The following COL13A1 variants were observed in gnomAD, a reference collection of about 807,000 sequenced individuals.
COL13A1 encodes the protein collagen type XIII alpha 1 chain, also known as collagen alpha-1(XIII) chain.
COL13A1 carries 89 observed loss-of-function variants against 130.9 expected under a neutral mutation model. That is an observed-to-expected ratio of 0.68 (90% CI 0.57 to 0.81). The LOEUF (loss-of-function observed/expected upper bound fraction) is 0.81. COL13A1 is among the 30% of genes least tolerant of loss of function. The pLI is 0.00. For missense variants in COL13A1, 879 were observed against 934.6 expected (o/e 0.94, Z 0.78); for synonymous variants, 402 against 341.6 (o/e 1.18, Z -1.95).
At chr10:69,880,842 G>C (rs1443404545) in intron 7 of COL13A1, among the ~76,000 whole-genome samples, 2 of 152,266 alleles carry the variant, frequency 1.3e-5, no homozygotes, top group Non-Finnish European at 2.9e-5. Flanking sequence ...TTTACAGACA[G>C]AAGGGAGAAA....
intron 3 of COL13A1, among the ~76,000 whole-genome samples, chr10:69,868,405 G>A (rs1478038276): frequency 6.6e-6 from 1 of 152,122 alleles, no homozygotes; most frequent in Non-Finnish European, 1.5e-5. Flanking sequence ...ACTCCTTCCT[G>A]GCCTTGCTAG....
intron 7 of COL13A1, 66 bp downstream of exon 7, chr10:69,880,619 G>A (rs1232990496): frequency 1.3e-6 from 2 of 1,539,666 alleles, no homozygotes; most frequent in African/African-American, 1.4e-5. Flanking sequence ...AGGGCTTTTA[G>A]GCTGGGGATG....
At chr10:69,815,392 G>A (rs1278405964) in intron 1 of COL13A1, among the ~76,000 whole-genome samples, 1 of 152,190 alleles carries the variant, frequency 6.6e-6, no homozygotes, top group Admixed American at 6.5e-5. Context: ...AACCGATCAG[G>A]CGGGTGATGT....
chr10:69,927,170 C>T, intron 27 of COL13A1, 60 bp downstream of exon 27: 2 of 1,607,306 alleles, frequency 1.2e-6, no homozygotes, highest in Non-Finnish European at 1.7e-6. Flanking sequence ...GGGATGGCAG[C>T]CTGGAAGCAA....
chr10:69,871,277 G>A (rs1039209599), intron 3 of COL13A1, among the ~76,000 whole-genome samples: 2 of 152,142 alleles, frequency 1.3e-5, no homozygotes, highest in South Asian at 2.1e-4. Flanking sequence ...CCTGGTATCC[G>A]CAGGCAGATT....
Position 69,925,046 on chromosome 10 carries a change from G to C in COL13A1, c.1329+39G>C, listed in dbSNP as rs2065172025. On this transcript the variant is annotated intron_variant, in intron 25 of 40. Transcript: ENST00000645393. Reference sequence around the variant, plus strand: ...CCTCCTGGAGTCACAGCGTGAAGCGGCTGGTAAATCAAAAAAGCATCTGAG... The same window carrying C: ...CCTCCTGGAGTCACAGCGTGAAGCGCCTGGTAAATCAAAAAAGCATCTGAG... The C allele has an allele frequency of 3.3e-6, 5 of 1,497,420 alleles. No individual in the cohort carries two copies. In the East Asian group the frequency reaches 1.3e-4, roughly 38 times the overall value. The allele number at this position is 1,497,420 out of a possible 1,614,324, so 92.8% of individuals were successfully genotyped here. A position where few individuals can be genotyped will look rare whatever the true frequency, so the allele number is the denominator to read the frequency against.
chr10:69,855,605 C>T (rs1243192091), intron 2 of COL13A1, among the ~76,000 whole-genome samples: 1 of 151,930 alleles, frequency 6.6e-6, no homozygotes, highest in Non-Finnish European at 1.5e-5. Context: ...AAATAGATAT[C>T]CAGGGGTGAT....
intron 9 of COL13A1, 148 bp from the exon 10 acceptor site, chr10:69,889,266 G>A: frequency 9.7e-7 from 1 of 1,030,498 alleles, no homozygotes; most frequent in Non-Finnish European, 1.5e-6. Context: ...GAGTGCACAA[G>A]CCAGAAGGTG....
At chr10:69,897,802 G>T (rs2061801808) in intron 13 of COL13A1, among the ~76,000 whole-genome samples, 1 of 152,236 alleles carries the variant, frequency 6.6e-6, no homozygotes, top group Admixed American at 6.5e-5. Context: ...AAAACAAGCA[G>T]CTGATGACAG....
At chr10:69,950,152 C>G (rs116247591) in intron 38 of COL13A1, among the ~76,000 whole-genome samples, 1 of 152,082 alleles carries the variant, frequency 6.6e-6, no homozygotes, top group Non-Finnish European at 1.5e-5. Context: ...TCCCCTCCCC[C>G]TCACCAGCTG....
intron 17 of COL13A1, among the ~76,000 whole-genome samples, chr10:69,913,036 G>A (rs1018029330): frequency 6.6e-6 from 1 of 152,174 alleles, no homozygotes; most frequent in Non-Finnish European, 1.5e-5. Context: ...ATCAGGGATG[G>A]GACAGGCCTT....
At chr10:69,903,343 C>A (rs548853381) in intron 15 of COL13A1, among the ~76,000 whole-genome samples, 1 of 152,226 alleles carries the variant, frequency 6.6e-6, no homozygotes, top group Admixed American at 6.5e-5. Flanking sequence ...AAGAGCCCTG[C>A]GCCAAGCCTG....
chr10:69,913,287 G>A (rs965488427), intron 17 of COL13A1, among the ~76,000 whole-genome samples: 2 of 152,140 alleles, frequency 1.3e-5, no homozygotes, highest in Non-Finnish European at 2.9e-5. Context: ...CAAGTAAGGC[G>A]GCTGAGAGCC....
At chr10:69,872,753 C>A (rs1352395392) in intron 4 of COL13A1, among the ~76,000 whole-genome samples, 1 of 152,218 alleles carries the variant, frequency 6.6e-6, no homozygotes, top group African/African-American at 2.4e-5. Flanking sequence ...CCAGGTACTG[C>A]ATTTATCATG....
intron 39 of COL13A1, chr10:69,955,124 A>G (rs939681696): frequency 3.9e-5 from 6 of 152,218 alleles, no homozygotes; most frequent in African/African-American, 1.4e-4. Flanking sequence ...TCACACAGGA[A>G]TTCTCTTTGA....
At chr10:69,879,953 C>G (rs551258434) in intron 6 of COL13A1, among the ~76,000 whole-genome samples, 38 of 152,266 alleles carry the variant, frequency 2.5e-4, no homozygotes, top group African/African-American at 9.1e-4. Context: ...GCTCGTGTCC[C>G]CCTCCTCTGT....
chr10:69,895,703 C>A, intron 13 of COL13A1, 127 bp downstream of exon 13: 2 of 999,288 alleles, frequency 2.0e-6, no homozygotes, highest in Non-Finnish European at 1.6e-6. Context: ...GCACCCACTG[C>A]CCTCTGCACT....
intron 2 of COL13A1, among the ~76,000 whole-genome samples, chr10:69,828,543 C>T (rs1046019299): frequency 6.6e-6 from 1 of 152,224 alleles, no homozygotes; most frequent in Non-Finnish European, 1.5e-5. Context: ...GCTTTTCTTT[C>T]AGTAAAACTG....
rs532274334 is a variant in COL13A1 at position 69,935,377 on chromosome 10, C to T, written c.1756C>T (p.Pro586Ser). ...TCCTGGGCTGCCAGGGCCAGAGGGG[C>T]CTCCCGGACCTCCGGTAAGTTTGGA... ...EVPGLPGPEG[P>S]PGPPGLQGVP... The change falls in exon 32 of 41, where the codon CCT becomes TCT. Residue 586 changes from proline (P) to serine (S), a missense_variant. This residue lies in a region of COL13A1 where 96 missense variants were observed against 147.7 expected (regional missense o/e 0.65). Coordinates refer to ENST00000645393, the MANE Select transcript of COL13A1 (RefSeq NM_001368882.1). The T allele has an allele frequency of 5.1e-5, 80 of 1,568,606 alleles. No homozygotes were observed. The South Asian group carries it at 9.0e-4, about 18-fold the overall frequency.
Sources: gnomAD v4.1 joint callset for allele counts (sites outside exome capture counted in the v4.1 genomes callset) on GRCh38, gnomAD v4.1.1 for gene constraint, gnomAD v4.1.1 regional missense constraint, MANE v1.5 for transcripts, NCBI Gene and HGNC (gene_info 2026-07-23, HGNC 2026-07-21) for gene names.